Variants in ADAM7 observed in about 807,000 individuals in gnomAD.
ADAM7 encodes ADAM metallopeptidase domain 7, also known as disintegrin and metalloproteinase domain-containing protein 7.
A neutral mutation model predicts 102.9 loss-of-function variants in ADAM7; 97 were observed. The ratio of observed to expected loss-of-function variants is 0.94; its 90% CI spans 0.80 to 1.12. The LOEUF (loss-of-function observed/expected upper bound fraction) is 1.12, where lower values mean the gene tolerates loss of function less well. Among genes scored for constraint, ADAM7 ranks in the 50% most tolerant of loss-of-function variants. ADAM7 has a pLI of 0.00. For missense variants in ADAM7, 991 were observed against 908.7 expected, an observed-to-expected ratio of 1.09 and a Z score of -1.16; for synonymous variants, 334 against 304.4, an observed-to-expected ratio of 1.10 and a Z score of -1.01.
chr8:24,489,382 A>G lies in ADAM7; in HGVS notation c.1266+49A>G, dbSNP rs1043621068. ...TAAATTGCAAAATTTATGATCAGGTAGAACCTAGGCAGGGATGTGGCCATT... is the reference window on the plus strand; with the variant it reads ...TAAATTGCAAAATTTATGATCAGGTGGAACCTAGGCAGGGATGTGGCCATT... On this transcript the variant is annotated intron_variant, in intron 12 of 21. Coordinates refer to ENST00000175238, the MANE Select transcript of ADAM7 (RefSeq NM_003817.4). The G allele has an allele frequency of 2.6e-6, 4 of 1,543,088 alleles. No individual in the cohort carries two copies. The South Asian group carries it at 5.1e-5, about 20-fold the overall frequency.
intron 3 of ADAM7, among the ~76,000 whole-genome samples, chr8:24,454,322 G>A (rs1217987797): frequency 6.6e-6 from 1 of 152,198 alleles, no homozygotes; most frequent in African/African-American, 2.4e-5. Context: ...CGAGCTTCCT[G>A]GCTGCTTTGT....
chr8:24,464,196 C>G (rs552737525), intron 4 of ADAM7, among the ~76,000 whole-genome samples: 104 of 152,286 alleles, frequency 6.8e-4, no homozygotes, highest in African/African-American at 2.2e-3. Flanking sequence ...TTTTCCTAAA[C>G]TGATTTCTGT....
At position 24,508,672 on chromosome 8, in the gene ADAM7, C is replaced by A. The variant is rs1013578407; in HGVS notation, c.*126C>A. ...TGGTAGTGTTTCAAACGTTCTTTATCCAGACAGACAATGTTTAAGAGAAAC... is the reference window on the plus strand; with the variant it reads ...TGGTAGTGTTTCAAACGTTCTTTATACAGACAGACAATGTTTAAGAGAAAC... On this transcript the variant is annotated 3_prime_UTR_variant, in exon 22 of 22. Coordinates refer to ENST00000175238, the MANE Select transcript of ADAM7 (RefSeq NM_003817.4). The A allele has an allele frequency of 3.2e-6, 5 of 1,550,072 alleles. No individual in the cohort carries two copies. The Admixed American group carries it at 7.6e-5, about 24-fold the overall frequency.
chr8:24,492,140 CT>C, intron 14 of ADAM7, 42 bp downstream of exon 14: 1 of 1,561,008 alleles, frequency 6.4e-7, no homozygotes. Context: ...AGATGGTGGC[CT>C]CTATTTCTCT....
At chr8:24,501,265 C>T (rs1820750429) in intron 19 of ADAM7, among the ~76,000 whole-genome samples, 1 of 151,960 alleles carries the variant, frequency 6.6e-6, no homozygotes, top group African/African-American at 2.4e-5. Context: ...TGATTCTTCC[C>T]ACATCAAGAA....
intron 2 of ADAM7, among the ~76,000 whole-genome samples, chr8:24,446,811 T>C (rs923752858): frequency 1.3e-5 from 2 of 150,558 alleles, no homozygotes; most frequent in Non-Finnish European, 3.0e-5. Context: ...TTCCATTTAA[T>C]TGTATAACTA....
Position 24,500,781 on chromosome 8 carries a change from A to C in ADAM7, c.2003-9A>C, listed in dbSNP as rs747616546. 3 of 1,607,980 alleles carry C rather than the reference A, an allele frequency of 1.9e-6. No individual in the cohort carries two copies. Among genetic ancestry groups the C allele is most frequent in the South Asian group, 2.2e-5 (2 of 90,790 alleles). On this transcript the variant is annotated splice_polypyrimidine_tract_variant and intron_variant, in intron 18 of 21. Coordinates refer to ENST00000175238, the MANE Select transcript of ADAM7 (RefSeq NM_003817.4). ...CCCTCGATGAAGCCCATGTTTCTTC[A>C]TGTTGCAGATATCACCATCTTGGTT...
At chr8:24,464,130 G>A (rs1164832574) in intron 4 of ADAM7, among the ~76,000 whole-genome samples, 170 bp downstream of exon 4, 1 of 152,098 alleles carries the variant, frequency 6.6e-6, no homozygotes, top group Middle Eastern at 3.2e-3. Flanking sequence ...CGATTGTGTG[G>A]ACCCTAACCT....
chr8:24,505,073 A>C (rs1411921655), intron 20 of ADAM7, among the ~76,000 whole-genome samples: 1 of 152,174 alleles, frequency 6.6e-6, no homozygotes, highest in African/African-American at 2.4e-5. Flanking sequence ...TTGTATGTAA[A>C]TATACTTAGC....
intron 20 of ADAM7, among the ~76,000 whole-genome samples, chr8:24,504,092 G>T (rs1197378271): frequency 1.3e-5 from 2 of 151,602 alleles, no homozygotes; most frequent in Non-Finnish European, 2.9e-5. Flanking sequence ...GAGTGGCCAG[G>T]CACAGTGGCT....
chr8:24,452,716 T>G (rs1433907701), intron 3 of ADAM7, among the ~76,000 whole-genome samples: 1 of 151,394 alleles, frequency 6.6e-6, no homozygotes, highest in African/African-American at 2.4e-5. Flanking sequence ...GTTATTTTGC[T>G]GGTTAGTTGA....
rs770672822 is a variant in ADAM7 at position 24,500,864 on chromosome 8, C to T, written c.2077C>T (p.Arg693Ter). Reference sequence around the variant, plus strand: ...AGTTCTTATACTATTAGTTCGTTACCGAAAATGTATCAAGTTGAAGCAAGT... The same window carrying T: ...AGTTCTTATACTATTAGTTCGTTACTGAAAATGTATCAAGTTGAAGCAAGT... ...IGVLILLVRY[R>*]KCIKLKQVQS... Residue 693 changes from arginine (R) to a stop codon, truncating the protein, a stop_gained, in exon 19 of 22, where the codon CGA becomes TGA. Transcript: ENST00000175238. LOFTEE classifies it high-confidence loss of function. The T allele has an allele frequency of 1.2e-5, 19 of 1,612,506 alleles. No homozygotes were observed. Among genetic ancestry groups the T allele is most frequent in the Admixed American group, 3.3e-5 (2 of 59,886 alleles).
intron 4 of ADAM7, among the ~76,000 whole-genome samples, 200 bp downstream of exon 4, chr8:24,464,160 A>G (rs1819346758): frequency 6.6e-6 from 1 of 152,208 alleles, no homozygotes. Flanking sequence ...TAACAAGCAA[A>G]TCAATGACTG....
At chr8:24,470,073 T>C (rs922661647) in intron 7 of ADAM7, among the ~76,000 whole-genome samples, 1 of 152,096 alleles carries the variant, frequency 6.6e-6, no homozygotes, top group African/African-American at 2.4e-5. Flanking sequence ...GCAAATCAGA[T>C]AACATGGTAG....
chr8:24,466,974 G>T lies in ADAM7; in HGVS notation c.565G>T (p.Asp189Tyr). Residue 189 changes from aspartate to tyrosine, a missense_variant, in exon 6 of 22, where the codon GAC becomes TAC. Asp to Tyr is a radical substitution (Grantham distance 160, BLOSUM62 -3). Transcript: ENST00000175238. ...TCCAGGGGATAATGAATCTGAAGAA[G>T]ACTCCAAAATAAAAGTGAGTACTTT... Reference protein sequence around the residue: ...TVPGDNESEEDSKIKGIHDEK... With the variant: ...TVPGDNESEEYSKIKGIHDEK... The T allele has an allele frequency of 6.2e-7, 1 of 1,613,462 alleles. No individual in the cohort carries two copies. The highest frequency in any genetic ancestry group is 1.1e-5 in the South Asian group (1 of 91,030).
intron 3 of ADAM7, among the ~76,000 whole-genome samples, chr8:24,447,766 C>A (rs1370006624): frequency 1.3e-5 from 2 of 152,048 alleles, no homozygotes; most frequent in Non-Finnish European, 2.9e-5. Context: ...TCTATTGTTG[C>A]CGCTGTTTAA....
At chr8:24,448,552 A>G (rs773291952) in intron 3 of ADAM7, among the ~76,000 whole-genome samples, 2 of 152,122 alleles carry the variant, frequency 1.3e-5, no homozygotes, top group Non-Finnish European at 2.9e-5. Flanking sequence ...TGTTTTTGTA[A>G]TACAGTAACA....
At chr8:24,498,460 A>C (rs1820634412) in intron 16 of ADAM7, among the ~76,000 whole-genome samples, 2 of 151,524 alleles carry the variant, frequency 1.3e-5, no homozygotes, top group Admixed American at 6.6e-5. Flanking sequence ...TAGAGAAAAC[A>C]ATAGCTGAAT....
At chr8:24,448,379 C>A (rs1447894277) in intron 3 of ADAM7, among the ~76,000 whole-genome samples, 1 of 152,102 alleles carries the variant, frequency 6.6e-6, no homozygotes, top group Non-Finnish European at 1.5e-5. Flanking sequence ...TTCTGCTAAT[C>A]AGCCTGTAGT....
Sources: allele counts gnomAD v4.1 joint callset (sites outside exome capture counted in the v4.1 genomes callset), GRCh38; gene constraint gnomAD v4.1.1; transcripts MANE v1.5; gene names NCBI Gene and HGNC (gene_info 2026-07-23, HGNC 2026-07-21).